Variants in TENM4 observed in about 807,000 individuals in gnomAD.
The protein encoded by TENM4 is teneurin-4.
In TENM4, 82 loss-of-function variants were observed where a neutral mutation model predicts 243.3. The observed-to-expected ratio is 0.34, with a 90% CI of 0.28 to 0.40. TENM4 has a LOEUF of 0.40. Ranked by LOEUF, TENM4 falls within the 10% of genes least tolerant of loss-of-function variation. The pLI is 1.00. For synonymous variants in TENM4, 1,412 were observed against 1,456.3 expected, an observed-to-expected ratio of 0.97 and a Z score of 0.69; for missense variants, 3,138 against 3,673.3, an observed-to-expected ratio of 0.85 and a Z score of 3.77.
chr11:79,129,387 G>C (rs1861951137), intron 4 of TENM4, among the ~76,000 whole-genome samples: 1 of 152,182 alleles, frequency 6.6e-6, no homozygotes, highest in African/African-American at 2.4e-5. Flanking sequence ...CAGAACTTGG[G>C]GGAGGGCACA....
intron 1 of TENM4, among the ~76,000 whole-genome samples, chr11:79,378,217 G>C (rs1565321712): frequency 6.6e-6 from 1 of 152,200 alleles, no homozygotes; most frequent in Non-Finnish European, 1.5e-5. Context: ...TGCATGCCTG[G>C]ATCTTGGGCA....
chr11:79,306,876 T>G (rs755371841), intron 1 of TENM4, among the ~76,000 whole-genome samples: 3 of 151,758 alleles, frequency 2.0e-5, no homozygotes, highest in Non-Finnish European at 4.4e-5. Context: ...TGGAGGCAGA[T>G]GTATGTCCTT....
chr11:78,906,758 C>T (rs1034408704), intron 6 of TENM4, among the ~76,000 whole-genome samples: 1 of 152,162 alleles, frequency 6.6e-6, no homozygotes, highest in African/African-American at 2.4e-5. Context: ...CATTTCCTCC[C>T]CAAGAGCATG....
chr11:79,029,387 G>A (rs1859167846), intron 6 of TENM4, among the ~76,000 whole-genome samples: 1 of 152,200 alleles, frequency 6.6e-6, no homozygotes, highest in Admixed American at 6.5e-5. Context: ...CTCTTATGGA[G>A]TTAGCAAATT....
intron 22 of TENM4, among the ~76,000 whole-genome samples, chr11:78,727,805 C>G (rs1366342724): frequency 6.6e-6 from 1 of 152,210 alleles, no homozygotes; most frequent in Non-Finnish European, 1.5e-5. Flanking sequence ...CTATTTCTTC[C>G]AAGCGTCTTT....
intron 9 of TENM4, among the ~76,000 whole-genome samples, chr11:78,879,953 A>G (rs2466804): frequency 0.93 from 140,878 of 151,876 alleles, 65,875 homozygotes; most frequent in Non-Finnish European, 0.99. Context: ...CAACAGCTCC[A>G]AAGAGACAGC....
At chr11:78,736,422 G>A (rs1855793392) in intron 20 of TENM4, among the ~76,000 whole-genome samples, 1 of 151,400 alleles carries the variant, frequency 6.6e-6, no homozygotes, top group Non-Finnish European at 1.5e-5. Context: ...TCCTGTTAAG[G>A]TGTGAAGTCT....
At chr11:79,110,836 C>T (rs767309781) in intron 4 of TENM4, among the ~76,000 whole-genome samples, 8 of 152,164 alleles carry the variant, frequency 5.3e-5, no homozygotes, top group South Asian at 2.1e-4. Flanking sequence ...CTGCTCTCCC[C>T]GGCTAACTTG....
At chr11:78,974,902 C>T (rs1857617295) in intron 6 of TENM4, among the ~76,000 whole-genome samples, 2 of 151,670 alleles carry the variant, frequency 1.3e-5, no homozygotes, top group Admixed American at 1.3e-4. Flanking sequence ...CCAGGCTAGT[C>T]TCGAACTCCT....
chr11:78,891,393 T>C (rs1855662311), intron 7 of TENM4, 57 bp from the exon 8 acceptor site: 8 of 1,467,316 alleles, frequency 5.5e-6, no homozygotes, highest in Non-Finnish European at 6.5e-6. Context: ...TGAAGGGGGC[T>C]AGTAGAGAAA....
At chr11:79,284,631 A>C (rs910651000) in intron 2 of TENM4, among the ~76,000 whole-genome samples, 2 of 152,244 alleles carry the variant, frequency 1.3e-5, no homozygotes, top group South Asian at 4.1e-4. Flanking sequence ...TCATTACTTT[A>C]GATTAAGCTA....
At chr11:79,143,631 C>A (rs1862337882) in intron 4 of TENM4, among the ~76,000 whole-genome samples, 2 of 151,688 alleles carry the variant, frequency 1.3e-5, no homozygotes, top group Admixed American at 1.3e-4. Context: ...ACATATGTAA[C>A]AAACCTGCAT....
intron 19 of TENM4, chr11:78,756,549 G>A (rs1480846947): frequency 2.1e-6 from 1 of 468,338 alleles, no homozygotes; most frequent in Non-Finnish European, 3.9e-6. Context: ...TGGACCTTTG[G>A]TTTCTCACTG....
chr11:79,155,754 C>T (rs1862600730), intron 3 of TENM4, among the ~76,000 whole-genome samples: 1 of 145,004 alleles, frequency 6.9e-6, no homozygotes. Flanking sequence ...TCCTTCTCTT[C>T]CTCCCTGCCT....
At chr11:79,087,723 G>T (rs1860842196) in intron 4 of TENM4, among the ~76,000 whole-genome samples, 1 of 152,240 alleles carries the variant, frequency 6.6e-6, no homozygotes. Flanking sequence ...TCACTGTACA[G>T]AGGTGACATT....
chr11:79,121,287 C>G lies in TENM4; in HGVS notation c.-66+27423G>C, dbSNP rs116258584. ...CCAGACTTCACCCCAAAGTGGAAGT[C>G]AAAATAATCTGGGCTTGAGGACAAA... On this transcript the variant is annotated intron_variant, in intron 4 of 33. Coordinates refer to ENST00000278550, the MANE Select transcript of TENM4 (RefSeq NM_001098816.3). Among the ~76,000 whole-genome samples the G allele has an allele frequency of 6.0e-3, 919 of 152,212 alleles. 9 individuals carry two copies. Among genetic ancestry groups the G allele is most frequent in the African/African-American group, 0.021 (878 of 41,544 alleles).
Position 78,805,472 on chromosome 11 carries a change from A to C in TENM4, c.1999T>G (p.Cys667Gly). 1.3e-6 allele frequency: 2 copies of C among 1,584,976 alleles called. No individual in the cohort carries two copies. Among genetic ancestry groups the C allele is most frequent in the Non-Finnish European group, 1.7e-6 (2 of 1,165,074 alleles). Residue 667 changes from cysteine to glycine, a missense_variant, in exon 15 of 34, where the codon TGT becomes GGT. Coordinates refer to ENST00000278550, the MANE Select transcript of TENM4 (RefSeq NM_001098816.3). ...CEEVDCMDPTCSGRGVCVRGE... is the reference protein window; with the variant it reads ...CEEVDCMDPTGSGRGVCVRGE... ...CTCACGCAGACACCCCGGCCTGAACATGTGGGGTCCATGCAGTCCACTGTG... is the reference window on the plus strand; with the variant it reads ...CTCACGCAGACACCCCGGCCTGAACCTGTGGGGTCCATGCAGTCCACTGTG...
chr11:79,283,759 A>G (rs2135369182), intron 2 of TENM4, among the ~76,000 whole-genome samples: 1 of 152,300 alleles, frequency 6.6e-6, no homozygotes, highest in East Asian at 1.9e-4. Flanking sequence ...GGAGAAACGA[A>G]GAAATAAAAC....
chr11:78,846,913 G>A (rs1858409245), intron 12 of TENM4, among the ~76,000 whole-genome samples: 1 of 152,196 alleles, frequency 6.6e-6, no homozygotes, highest in East Asian at 1.9e-4. Context: ...GAGTACCAAT[G>A]TAGCAAGCTA....
Sources: gnomAD v4.1 joint callset for allele counts (sites outside exome capture counted in the v4.1 genomes callset) on GRCh38, gnomAD v4.1.1 for gene constraint, MANE v1.5 for transcripts, NCBI Gene and HGNC (gene_info 2026-07-23, HGNC 2026-07-21) for gene names.